Variants in SESN1 observed in about 807,000 individuals in gnomAD.
The protein encoded by SESN1 is sestrin-1.
Under a neutral mutation model 59.3 loss-of-function variants are expected in SESN1, and 30 were observed. The ratio of observed to expected loss-of-function variants is 0.51; its 90% CI spans 0.38 to 0.69. The LOEUF is 0.69. Among genes scored for constraint, SESN1 ranks in the 30% least tolerant of loss-of-function variants. SESN1 has a pLI of 0.00. For missense variants in SESN1, 566 were observed against 673.0 expected, an observed-to-expected ratio of 0.84 and a Z score of 1.76; for synonymous variants, 197 against 219.9, an observed-to-expected ratio of 0.90 and a Z score of 0.92.
At chr6:109,066,402 G>A (rs757731315) in intron 1 of SESN1, among the ~76,000 whole-genome samples, 2 of 151,172 alleles carry the variant, frequency 1.3e-5, no homozygotes, top group African/African-American at 2.4e-5. Flanking sequence ...TTGTCTCCCT[G>A]CAGTGAATTA....
chr6:109,058,931 TG>T (rs1284576443), intron 1 of SESN1, among the ~76,000 whole-genome samples: 1 of 56,916 alleles, frequency 1.8e-5, no homozygotes, highest in Non-Finnish European at 3.4e-5. Context: ...TTATAAAGGG[TG>T]GGTGGGTAGG....
At chr6:109,088,460 G>A (rs536639543) in intron 1 of SESN1, among the ~76,000 whole-genome samples, 37 of 151,638 alleles carry the variant, frequency 2.4e-4, no homozygotes, top group South Asian at 1.9e-3. Context: ...ACCCAGCAAC[G>A]AAAGTTTCAT....
intron 1 of SESN1, among the ~76,000 whole-genome samples, chr6:109,092,063 G>GA (rs1339903872): frequency 1.3e-5 from 2 of 152,068 alleles, no homozygotes; most frequent in African/African-American, 2.4e-5. Context: ...TGCAGAGATG[G>GA]AAAAAAAGAG....
chr6:109,042,036 AAT>A (rs1348120222), intron 1 of SESN1, among the ~76,000 whole-genome samples: 3 of 152,116 alleles, frequency 2.0e-5, no homozygotes, highest in Non-Finnish European at 4.4e-5. Context: ...AGAAGTAAAT[AAT>A]AGAAAGATAA....
At chr6:109,037,484 C>T (rs956575344) in intron 1 of SESN1, among the ~76,000 whole-genome samples, 1 of 152,074 alleles carries the variant, frequency 6.6e-6, no homozygotes, top group Non-Finnish European at 1.5e-5. Flanking sequence ...CTCCATTACA[C>T]AATGCAATTA....
chr6:108,999,605 G>C (rs1437056876), intron 4 of SESN1, among the ~76,000 whole-genome samples: 4 of 152,122 alleles, frequency 2.6e-5, no homozygotes, highest in Non-Finnish European at 4.4e-5. Context: ...CAGAATGGCT[G>C]AAATCCAAAA....
intron 1 of SESN1, among the ~76,000 whole-genome samples, chr6:109,085,400 T>C (rs1203081469): frequency 6.6e-6 from 1 of 152,064 alleles, no homozygotes; most frequent in African/African-American, 2.4e-5. Flanking sequence ...GCACCTGTAG[T>C]CCCAGCTACT....
intron 4 of SESN1, among the ~76,000 whole-genome samples, chr6:108,999,483 A>G (rs1415270684): frequency 6.6e-6 from 1 of 152,208 alleles, no homozygotes. Context: ...GAGAACATCA[A>G]TCTACTTTTA....
At chr6:109,013,735 G>A (rs1779893763) in intron 1 of SESN1, among the ~76,000 whole-genome samples, 1 of 152,138 alleles carries the variant, frequency 6.6e-6, no homozygotes, top group African/African-American at 2.4e-5. Context: ...TTTAAGAGTG[G>A]GAGTGGGATT....
At chr6:109,072,801 T>C (rs1780960346) in intron 1 of SESN1, among the ~76,000 whole-genome samples, 1 of 152,096 alleles carries the variant, frequency 6.6e-6, no homozygotes, top group Non-Finnish European at 1.5e-5. Context: ...CTTAAATAAA[T>C]ACTTAAGGCC....
intron 1 of SESN1, among the ~76,000 whole-genome samples, chr6:109,029,390 G>A (rs1165545546): frequency 6.6e-6 from 1 of 152,208 alleles, no homozygotes; most frequent in African/African-American, 2.4e-5. Context: ...CTTAAGAGAA[G>A]CAGGAATGAT....
chr6:109,063,184 G>A (rs1315841551), intron 1 of SESN1, among the ~76,000 whole-genome samples: 2 of 152,076 alleles, frequency 1.3e-5, no homozygotes, highest in African/African-American at 4.8e-5. Context: ...GCATGAATAT[G>A]TCTGTCAGCC....
intron 1 of SESN1, among the ~76,000 whole-genome samples, chr6:109,088,803 A>T (rs1781261900): frequency 6.6e-6 from 1 of 152,192 alleles, no homozygotes; most frequent in African/African-American, 2.4e-5. Flanking sequence ...TCCTTTGTTT[A>T]GAGAATCAAG....
intron 1 of SESN1, among the ~76,000 whole-genome samples, chr6:109,035,886 A>C (rs1019057924): frequency 6.6e-6 from 1 of 152,148 alleles, no homozygotes; most frequent in Non-Finnish European, 1.5e-5. Context: ...GGGATTACAG[A>C]CGTGACCACT....
chr6:109,049,750 G>C (rs1780514079), intron 1 of SESN1, among the ~76,000 whole-genome samples: 1 of 150,122 alleles, frequency 6.7e-6, no homozygotes, highest in Non-Finnish European at 1.5e-5. Context: ...ATATTATGTT[G>C]AAATCATTAC....
intron 1 of SESN1, among the ~76,000 whole-genome samples, chr6:109,062,506 A>G (rs910045036): frequency 6.6e-6 from 1 of 152,216 alleles, no homozygotes; most frequent in Admixed American, 6.5e-5. Flanking sequence ...ACAGTGTCCC[A>G]GTTTGGATGA....
chr6:109,042,444 T>G (rs559319178), intron 1 of SESN1, among the ~76,000 whole-genome samples: 4 of 148,224 alleles, frequency 2.7e-5, no homozygotes, highest in South Asian at 4.3e-4. Context: ...AAAAAAAAAT[T>G]GAAAAACCTC....
intron 1 of SESN1, among the ~76,000 whole-genome samples, chr6:109,071,058 G>A (rs1780925838): frequency 6.6e-6 from 1 of 152,172 alleles, no homozygotes; most frequent in East Asian, 1.9e-4. Context: ...GAGAGAGGGT[G>A]GGTAGAAACT....
rs1490183888 is a variant in SESN1 at position 109,094,325 on chromosome 6, C to G, written c.-252G>C. ...AAAAACAAAGTTTGAAAGTTGCAAC[C>G]TTGCAGCGCTGGCTTTGGTGGGCAG... On this transcript the variant is annotated 5_prime_UTR_variant, in exon 1 of 10. Transcript: ENST00000436639. The G allele has an allele frequency of 9.9e-5, 50 of 507,118 alleles. No individual in the cohort carries two copies. In the East Asian group the frequency reaches 1.7e-3, roughly 18 times the overall value. 31.4% of individuals were successfully genotyped at this position (507,118 alleles called of 1,614,324 possible).
Sources: allele counts gnomAD v4.1 joint callset (sites outside exome capture counted in the v4.1 genomes callset), GRCh38; gene constraint gnomAD v4.1.1; transcripts MANE v1.5; gene names NCBI Gene and HGNC (gene_info 2026-07-23, HGNC 2026-07-21).